Variants in TTC6 observed in about 807,000 individuals in gnomAD.
The protein encoded by TTC6 is tetratricopeptide repeat domain 6.
Under a neutral mutation model 210.4 loss-of-function variants are expected in TTC6, and 172 were observed. The ratio of observed to expected loss-of-function variants is 0.82; its 90% CI spans 0.72 to 0.93. The LOEUF (loss-of-function observed/expected upper bound fraction) is 0.93. Ranked by LOEUF, TTC6 falls within the 40% of genes least tolerant of loss-of-function variation. The pLI is 0.00. For missense variants in TTC6, 2,414 were observed against 2,318.1 expected, an observed-to-expected ratio of 1.04 and a Z score of -0.85; for synonymous variants, 804 against 819.6, an observed-to-expected ratio of 0.98 and a Z score of 0.32.
intron 7 of TTC6, among the ~76,000 whole-genome samples, chr14:37,727,782 T>G (rs1305067454): frequency 6.6e-6 from 1 of 152,202 alleles, no homozygotes; most frequent in Non-Finnish European, 1.5e-5. Context: ...TACACCATAG[T>G]GTTTAAACAT....
At chr14:37,601,062 G>A (rs936318999) in intron 1 of TTC6, among the ~76,000 whole-genome samples, 2 of 152,186 alleles carry the variant, frequency 1.3e-5, no homozygotes, top group African/African-American at 4.8e-5. Flanking sequence ...TCTGAATGTT[G>A]TAATTTTGGT....
At chr14:37,736,954 A>C (rs1466822950) in intron 8 of TTC6, among the ~76,000 whole-genome samples, 5 of 151,984 alleles carry the variant, frequency 3.3e-5, no homozygotes, top group Non-Finnish European at 7.4e-5. Context: ...ATGGGGTCTC[A>C]CTATGTTGCC....
At chr14:37,790,987 A>T in intron 16 of TTC6, 150 bp downstream of exon 18, 1 of 711,146 alleles carries the variant, frequency 1.4e-6, no homozygotes, top group Non-Finnish European at 2.2e-6. Context: ...TACTACTTCT[A>T]AAAACAAGAT....
At chr14:37,653,862 A>G (rs2095717269) in intron 1 of TTC6, among the ~76,000 whole-genome samples, 1 of 152,200 alleles carries the variant, frequency 6.6e-6, no homozygotes, top group African/African-American at 2.4e-5. Flanking sequence ...ATTTATTTAT[A>G]CACTGGCAAC....
chr14:37,647,279 T>C lies in TTC6; in HGVS notation c.939+24276T>C, dbSNP rs370501412. On this transcript the variant is annotated intron_variant, in intron 1 of 30. Coordinates refer to ENST00000553443, the Ensembl canonical transcript of TTC6. ...ATCTTGTTTTAAAGGGATTATCTGA[T>C]ACTGTGTGGACAATAGATTATAGGT... Among the ~76,000 whole-genome samples, 50 of 152,328 alleles carry C rather than the reference T, an allele frequency of 3.3e-4. No homozygotes were observed. The East Asian group carries it at 4.6e-3, about 14-fold the overall frequency.
At position 37,689,807 on chromosome 14, in the gene TTC6, A is replaced by G. The variant is rs1325710575; in HGVS notation, c.1257+6843A>G. 3.3e-5 allele frequency among the ~76,000 whole-genome samples: 5 copies of G among 152,194 alleles called. 1 individual carries two copies. The East Asian group carries it at 9.7e-4, about 29-fold the overall frequency. On this transcript the variant is annotated intron_variant, in intron 3 of 30. Transcript: ENST00000553443. ...TTTATCAACACCAGACCTGTCTTAC[A>G]AGAAATACTAAAAGGAGTACTTCAA...
At chr14:37,761,068 A>G (rs1318394715) in intron 14 of TTC6, among the ~76,000 whole-genome samples, 2 of 152,260 alleles carry the variant, frequency 1.3e-5, no homozygotes, top group East Asian at 3.9e-4. Flanking sequence ...GGTACTAAAA[A>G]GAACTCCTGC....
At chr14:37,769,963 C>G in intron 14 of TTC6, among the ~76,000 whole-genome samples, 1 of 152,012 alleles carries the variant, frequency 6.6e-6, no homozygotes. Flanking sequence ...TCCCTCTACA[C>G]ACTGCTTTGA....
In TTC6 at chr14:37,622,348, GAGGCGCGCCGCGTCCCT is replaced by G; in HGVS notation, c.285_301del (p.Ala97ProfsTer3). On this transcript the variant is annotated frameshift_variant, in exon 1 of 31. Coordinates refer to ENST00000553443, the Ensembl canonical transcript of TTC6. LOFTEE classifies it high-confidence loss of function. ...GCCGCCCTCCTGCAGGAGGTGCTCGGAGGCGCGCCGCGTCCCTCGGGCCTGGGTGAGGCGGCGGCTCC... is the reference window on the plus strand; with the variant it reads ...GCCGCCCTCCTGCAGGAGGTGCTCGGCGGGCCTGGGTGAGGCGGCGGCTCC... 6.5e-7 allele frequency: 1 copy of G among 1,531,640 alleles called. No individual in the cohort carries two copies. The highest frequency in any genetic ancestry group is 1.4e-5 in the African/African-American group (1 of 73,030). 94.9% of individuals were successfully genotyped at this position (1,531,640 alleles called of 1,614,324 possible).
chr14:37,713,882 A>G (rs551826334), intron 5 of TTC6, among the ~76,000 whole-genome samples: 8 of 152,154 alleles, frequency 5.3e-5, no homozygotes, highest in Non-Finnish European at 7.3e-5. Context: ...CTATAATAGT[A>G]TATCAATAAG....
At chr14:37,672,694 T>C (rs1462090951) in intron 1 of TTC6, among the ~76,000 whole-genome samples, 1 of 152,184 alleles carries the variant, frequency 6.6e-6, no homozygotes, top group Non-Finnish European at 1.5e-5. Flanking sequence ...CTAGTATGAA[T>C]GTCAAGGAAT....
intron 3 of TTC6, among the ~76,000 whole-genome samples, chr14:37,688,366 C>T (rs1367994121): frequency 3.3e-5 from 5 of 152,068 alleles, no homozygotes; most frequent in Non-Finnish European, 7.4e-5. Flanking sequence ...GGGGTCTGAG[C>T]GAATTTGCTG....
chr14:37,803,903 T>A (rs1039581422), intron 20 of TTC6, among the ~76,000 whole-genome samples: 5 of 152,198 alleles, frequency 3.3e-5, no homozygotes, highest in African/African-American at 1.2e-4. Flanking sequence ...CATATCCAAG[T>A]GAAACTTCAT....
intron 14 of TTC6, among the ~76,000 whole-genome samples, chr14:37,759,716 C>A (rs1187115496): frequency 1.3e-5 from 2 of 152,132 alleles, no homozygotes; most frequent in Non-Finnish European, 2.9e-5. Flanking sequence ...TCTTTCTTGT[C>A]TAATCTTGTC....
chr14:37,832,469 C>T (rs2096188306), intron 29 of TTC6, among the ~76,000 whole-genome samples: 1 of 150,906 alleles, frequency 6.6e-6, no homozygotes. Flanking sequence ...TATAAATGTC[C>T]CTCTTAGGTT....
intron 1 of TTC6, among the ~76,000 whole-genome samples, chr14:37,635,549 G>T (rs1043108242): frequency 3.9e-5 from 6 of 152,174 alleles, no homozygotes; most frequent in Admixed American, 2.6e-4. Context: ...TTGTCTACGA[G>T]AAATGTTTTT....
intron 5 of TTC6, among the ~76,000 whole-genome samples, chr14:37,712,243 C>T (rs960424864): frequency 6.6e-6 from 1 of 152,130 alleles, no homozygotes; most frequent in Non-Finnish European, 1.5e-5. Flanking sequence ...TTGTAAATGA[C>T]TTTTACTATC....
intron 1 of TTC6, among the ~76,000 whole-genome samples, chr14:37,644,432 A>G (rs1029931933): frequency 6.6e-6 from 1 of 152,156 alleles, no homozygotes. Flanking sequence ...AAAGTTTTAC[A>G]CAAGAAATGC....
At chr14:37,784,712 A>G (rs1434288725) in intron 14 of TTC6, among the ~76,000 whole-genome samples, 1 of 152,152 alleles carries the variant, frequency 6.6e-6, no homozygotes, top group Non-Finnish European at 1.5e-5. Flanking sequence ...GTTTTTTCCT[A>G]GCATCGATGG....
Sources: allele counts gnomAD v4.1 joint callset (sites outside exome capture counted in the v4.1 genomes callset), GRCh38; gene constraint gnomAD v4.1.1; transcripts MANE v1.5; gene names NCBI Gene and HGNC (gene_info 2026-07-23, HGNC 2026-07-21).